Variants in MAP3K15 observed in about 807,000 individuals in gnomAD.
MAP3K15 encodes the protein mitogen-activated protein kinase kinase kinase 15.
In MAP3K15, 124 loss-of-function variants were observed where a neutral mutation model predicts 99.5. That is an observed-to-expected ratio of 1.25 (90% confidence interval 1.08 to 1.45). MAP3K15 has a LOEUF of 1.45. Ranked by LOEUF, MAP3K15 falls within the 40% of genes most tolerant of loss-of-function variation. The pLI, the probability that MAP3K15 is intolerant of heterozygous loss-of-function variation, is 0.00. For synonymous variants in MAP3K15, 494 were observed against 439.6 expected (o/e 1.12, Z -1.55); for missense variants, 1,242 against 1,079.7 (o/e 1.15, Z -2.11).
chrX:19,403,688 G>T (rs5955772), intron 13 of MAP3K15, among the ~76,000 whole-genome samples: 2 of 106,475 alleles, frequency 1.9e-5, no homozygotes, highest in Non-Finnish European at 3.9e-5. Flanking sequence ...GGCTGGTCTC[G>T]AACTGCCCAC....
chrX:19,398,243 G>A lies in MAP3K15; in HGVS notation c.2049C>T (p.Ile683=). The change falls in exon 15 of 29, where the codon ATC becomes ATT. Residue 683 remains isoleucine, a synonymous_variant. Transcript: ENST00000338883. ...GGACTTGCCTGCTATCTCTCTCCGGGATTTCTTTGATGGCTATTCGCACTT... is the reference window on the plus strand; with the variant it reads ...GGACTTGCCTGCTATCTCTCTCCGGAATTTCTTTGATGGCTATTCGCACTT... ...SNQVRIAIKE[I]PERDSRYSQP... 1 of 1,210,900 alleles carries A rather than the reference G, an allele frequency of 8.3e-7. No homozygotes were observed. Among genetic ancestry groups the A allele is most frequent in the Non-Finnish European group, 1.1e-6 (1 of 895,328 alleles).
rs777865665 is a variant in MAP3K15 at position 19,464,272 on chromosome X, C to G, written c.660G>C (p.Leu220=). ...TGAACCTGTCCACCAAAGGCATGCA[C>G]AGCGGGCCCAGGATGTTGTCCCAGT... The part of the protein sequence containing the change: ...QPNWDNILGP[L]CMPLVDRFIS... The change falls in exon 4 of 29, where the codon CTG becomes CTC. Residue 220 remains leucine (L), a synonymous_variant. Coordinates refer to ENST00000338883, the MANE Select transcript of MAP3K15 (RefSeq NM_001001671.4). 3.3e-6 allele frequency: 4 copies of G among 1,200,142 alleles called. No homozygotes were observed. The highest frequency in any genetic ancestry group is 4.5e-6 in the Non-Finnish European group (4 of 895,232).
intron 1 of MAP3K15, among the ~76,000 whole-genome samples, chrX:19,495,732 A>C (rs999481033): frequency 8.9e-6 from 1 of 111,910 alleles, no homozygotes; most frequent in Non-Finnish European, 1.9e-5. Context: ...GAGTTAAGCC[A>C]CTTCATCTTT....
chrX:19,498,592 C>A (rs757864621), intron 1 of MAP3K15, among the ~76,000 whole-genome samples: 4 of 111,886 alleles, frequency 3.6e-5, no homozygotes, highest in Admixed American at 9.5e-5. Flanking sequence ...GTTTTTGCTC[C>A]GGAAGGCAGA....
At position 19,501,188 on chromosome X, in the gene MAP3K15, A is replaced by G. The variant is rs181194371; in HGVS notation, c.362-12221T>C. Among the ~76,000 whole-genome samples the G allele has an allele frequency of 4.4e-3, 491 of 111,700 alleles. 1 individual carries two copies. Among genetic ancestry groups the G allele is most frequent in the Non-Finnish European group, 7.7e-3 (407 of 53,121 alleles). On this transcript the variant is annotated intron_variant, in intron 1 of 28. Transcript: ENST00000338883. ...GCACTCATGGTTGTCTAGCCTGAGC[A>G]CGCCTGGCCACTCTCTCCAGCAGGG...
At chrX:19,370,489 G>T (rs903701228) in intron 24 of MAP3K15, among the ~76,000 whole-genome samples, 1 of 111,078 alleles carries the variant, frequency 9.0e-6, no homozygotes, top group African/African-American at 3.3e-5. Flanking sequence ...TCCACCACCC[G>T]GGTTCAAGCG....
chrX:19,487,688 C>A lies in MAP3K15; in HGVS notation c.501+1140G>T, dbSNP rs751322415. Among the ~76,000 whole-genome samples, 264 of 111,959 alleles carry A rather than the reference C, an allele frequency of 2.4e-3. 1 individual carries two copies. The highest frequency in any genetic ancestry group is 7.5e-3 in the African/African-American group (231 of 30,859). On this transcript the variant is annotated intron_variant, in intron 2 of 28. Transcript: ENST00000338883. ...AAGTATATATGATGTTTAGCACATACAAGTTACACATCTCAAGCAGGTGGT... is the reference window on the plus strand; with the variant it reads ...AAGTATATATGATGTTTAGCACATAAAAGTTACACATCTCAAGCAGGTGGT...
At position 19,392,094 on chromosome X, in the gene MAP3K15, A is replaced by G. The variant is rs200958508; in HGVS notation, c.2339T>C (p.Leu780Pro). ...CACCACTCCGCTGTAGGTGTTCACC[A>G]GAACATTATCGCCCTTCGGAAAATA... ...VHRDIKGDNVLVNTYSGVVKI... is the reference protein window; with the variant it reads ...VHRDIKGDNVPVNTYSGVVKI... Residue 780 changes from leucine to proline, a missense_variant, in exon 18 of 29, where the codon CTG (leucine) becomes CCG (proline). Coordinates refer to ENST00000338883, the MANE Select transcript of MAP3K15 (RefSeq NM_001001671.4). 2.5e-5 allele frequency: 30 copies of G among 1,206,436 alleles called. No individual in the cohort carries two copies. Among genetic ancestry groups the G allele is most frequent in the African/African-American group, 1.7e-5 (1 of 57,261 alleles).
intron 10 of MAP3K15, among the ~76,000 whole-genome samples, chrX:19,414,754 C>A (rs1337816230): frequency 1.8e-5 from 2 of 111,765 alleles, no homozygotes; most frequent in Non-Finnish European, 3.8e-5. Context: ...TTGGAGGGGG[C>A]TGTCCTGTGC....
chrX:19,467,337 G>A (rs2064175447), intron 3 of MAP3K15, among the ~76,000 whole-genome samples: 1 of 110,503 alleles, frequency 9.0e-6, no homozygotes, highest in African/African-American at 3.3e-5. Context: ...CTCCTTAGAA[G>A]ACCAGGCCAC....
chrX:19,435,251 T>C lies in MAP3K15; in HGVS notation c.996-3643A>G, dbSNP rs773788270. Among the ~76,000 whole-genome samples the C allele has an allele frequency of 1.7e-4, 19 of 108,757 alleles. No individual in the cohort carries two copies. In the East Asian group the frequency reaches 5.5e-3, roughly 32 times the overall value. The allele number at this position is 108,757 out of a possible 115,157, so 94.4% of individuals were successfully genotyped here. On this transcript the variant is annotated intron_variant, in intron 6 of 28. Transcript: ENST00000338883. ...TGAATGCTTTTTTTTTTTTTTTCTC[T>C]TTGAGACAGGGTCGCCCAGGCTGGA...
At chrX:19,429,613 G>C (rs186245714) in intron 7 of MAP3K15, among the ~76,000 whole-genome samples, 1 of 109,730 alleles carries the variant, frequency 9.1e-6, no homozygotes, top group African/African-American at 3.3e-5. Context: ...GGACAAAGGG[G>C]GGGAGGTGTA....
chrX:19,388,363 G>A (rs1452986665), intron 18 of MAP3K15, among the ~76,000 whole-genome samples: 3 of 111,752 alleles, frequency 2.7e-5, no homozygotes, highest in Non-Finnish European at 3.8e-5. Flanking sequence ...AAGAACTCCC[G>A]CCCCAGGCAG....
intron 11 of MAP3K15, among the ~76,000 whole-genome samples, chrX:19,412,310 A>T (rs777107230): frequency 4.4e-5 from 5 of 112,458 alleles, no homozygotes; most frequent in African/African-American, 1.6e-4. Context: ...AGGAGTGGGT[A>T]ACTGTTCCAT....
chrX:19,425,847 G>A (rs762776732), intron 8 of MAP3K15, among the ~76,000 whole-genome samples, 157 bp from the exon 9 acceptor site: 29 of 112,077 alleles, frequency 2.6e-4, no homozygotes, highest in Admixed American at 3.8e-4. Flanking sequence ...GTACGGGCAC[G>A]GTGGCTCACG....
intron 5 of MAP3K15, among the ~76,000 whole-genome samples, chrX:19,459,000 C>T (rs778932198): frequency 2.7e-5 from 3 of 111,983 alleles, no homozygotes; most frequent in Non-Finnish European, 5.6e-5. Flanking sequence ...GACCAAAAGA[C>T]CAGTCTCAGA....
chrX:19,417,692 T>C (rs749485814), intron 9 of MAP3K15, among the ~76,000 whole-genome samples: 2 of 110,483 alleles, frequency 1.8e-5, no homozygotes, highest in African/African-American at 6.6e-5. Context: ...TTGAAGAGAG[T>C]AGTGGTTCTC....
chrX:19,382,457 T>C (rs977580457), intron 18 of MAP3K15, among the ~76,000 whole-genome samples: 5 of 111,783 alleles, frequency 4.5e-5, no homozygotes, highest in African/African-American at 1.3e-4. Context: ...TAGCCTCATA[T>C]ATTTGACTGT....
chrX:19,381,628 T>C lies in MAP3K15; in HGVS notation c.2432-1351A>G, dbSNP rs772231753. Reference sequence around the variant, plus strand: ...TCTGACACGGGGCAGGGTGTGGGAATAGTTAAGGAGGCAATGGCAAGGGCA... The same window carrying C: ...TCTGACACGGGGCAGGGTGTGGGAACAGTTAAGGAGGCAATGGCAAGGGCA... On this transcript the variant is annotated intron_variant, in intron 18 of 28. Coordinates refer to ENST00000338883, the MANE Select transcript of MAP3K15 (RefSeq NM_001001671.4). 6.3e-5 allele frequency among the ~76,000 whole-genome samples: 7 copies of C among 111,624 alleles called. No homozygotes were observed. In the South Asian group the frequency reaches 2.6e-3, roughly 42 times the overall value.
Sources: allele counts gnomAD v4.1 joint callset (sites outside exome capture counted in the v4.1 genomes callset), GRCh38; gene constraint gnomAD v4.1.1; transcripts MANE v1.5; gene names NCBI Gene and HGNC (gene_info 2026-07-23, HGNC 2026-07-21).